AGTPBP1: variants seen among roughly 807,000 people sequenced by gnomAD.
The protein encoded by AGTPBP1 is cytosolic carboxypeptidase 1.
In AGTPBP1, 70 loss-of-function variants were observed where a neutral mutation model predicts 143.9. That is an observed-to-expected ratio of 0.49 (90% CI 0.40 to 0.59). AGTPBP1 has a LOEUF of 0.59. Ranked by LOEUF, AGTPBP1 falls within the 20% of genes least tolerant of loss-of-function variation. The pLI is 0.00. For synonymous variants in AGTPBP1, 463 were observed against 500.2 expected (o/e 0.93, Z 0.99); for missense variants, 1,229 against 1,464.5 (o/e 0.84, Z 2.62).
At chr9:85,746,516 C>G (rs1824585301), upstream of AGTPBP1, among the ~76,000 whole-genome samples, 1 of 152,102 alleles carries the variant, frequency 6.6e-6, no homozygotes, top group Admixed American at 6.5e-5. Context: ...GTAGTCCTAG[C>G]TACTTGGGAG....
chr9:85,593,065 T>C (rs1310399958), intron 18 of AGTPBP1, among the ~76,000 whole-genome samples: 3 of 152,162 alleles, frequency 2.0e-5, no homozygotes, highest in Non-Finnish European at 4.4e-5. Flanking sequence ...TTTACGTGGA[T>C]GGATCAGGCT....
intron 25 of AGTPBP1, among the ~76,000 whole-genome samples, chr9:85,564,614 A>G (rs1432326665): frequency 6.6e-6 from 1 of 152,252 alleles, no homozygotes; most frequent in Non-Finnish European, 1.5e-5. Flanking sequence ...ACAATTATAT[A>G]TAGTATTCCA....
intron 13 of AGTPBP1, among the ~76,000 whole-genome samples, chr9:85,639,323 C>T (rs770308951): frequency 6.3e-4 from 95 of 151,548 alleles, no homozygotes; most frequent in Non-Finnish European, 1.1e-3. Flanking sequence ...AATTTATAGC[C>T]TATCTATGCA....
chr9:85,719,384 C>A lies in AGTPBP1; in HGVS notation c.-33-6818G>T, dbSNP rs560501639. Among the ~76,000 whole-genome samples the A allele has an allele frequency of 1.7e-4, 26 of 152,268 alleles. No individual in the cohort carries two copies. In the South Asian group the frequency reaches 5.4e-3, roughly 32 times the overall value. On this transcript the variant is annotated intron_variant, in intron 1 of 25. Coordinates refer to ENST00000357081, the MANE Select transcript of AGTPBP1 (RefSeq NM_001330701.2). ...TTCTCCTTGAAGAGGTCCTTCACAA[C>A]CCTTGTATGTTGGATTCCTAGGTAT... is the stretch of plus-strand genomic sequence containing the variant.
chr9:85,626,259 A>C (rs1467934903), intron 14 of AGTPBP1, among the ~76,000 whole-genome samples: 1 of 152,198 alleles, frequency 6.6e-6, no homozygotes, highest in Non-Finnish European at 1.5e-5. Context: ...TTTTTAACCA[A>C]GTTTTATTCA....
chr9:85,559,923 T>C (rs1238711058), intron 25 of AGTPBP1, among the ~76,000 whole-genome samples: 1 of 152,194 alleles, frequency 6.6e-6, no homozygotes, highest in Non-Finnish European at 1.5e-5. Flanking sequence ...CAGTCCCCTT[T>C]CTTGAGTGTG....
chr9:85,585,485 A>G lies in AGTPBP1; in HGVS notation c.3143T>C (p.Val1048Ala). The change falls in exon 23 of 26, where the codon GTT (valine) becomes GCT (alanine). Residue 1048 changes from valine (V) to alanine (A), a missense_variant. Coordinates refer to ENST00000357081, the MANE Select transcript of AGTPBP1 (RefSeq NM_001330701.2). ...TACCCTGTATCCCGTATCCTCCACA[A>G]CATCACATGAAGTTGCATTATCATT... ...HTNDNATSCDVVEDTGYRTLP... is the reference protein window; with the variant it reads ...HTNDNATSCDAVEDTGYRTLP... The G allele has an allele frequency of 3.1e-6, 5 of 1,607,612 alleles. No homozygotes were observed. Among genetic ancestry groups the G allele is most frequent in the Non-Finnish European group, 4.2e-6 (5 of 1,177,402 alleles).
At chr9:85,782,829 G>C in the AGTPBP1 span, among the ~76,000 whole-genome samples, 4 of 152,146 alleles carry the variant, frequency 2.6e-5, no homozygotes, top group African/African-American at 9.7e-5. Context: ...GTAATACAGA[G>C]GTGTTTACTG....
Position 85,657,432 on chromosome 9 carries a change from C to T in AGTPBP1, c.909+3G>A. On this transcript the variant is annotated splice_donor_region_variant and intron_variant, in intron 10 of 25. Coordinates refer to ENST00000357081, the MANE Select transcript of AGTPBP1 (RefSeq NM_001330701.2). ...TCACAATAATAAGAAGAAAATAACTCACTTGCGAAGTATTATACAGAATTT... is the reference window on the plus strand; with the variant it reads ...TCACAATAATAAGAAGAAAATAACTTACTTGCGAAGTATTATACAGAATTT... 1 of 1,604,100 alleles carries T rather than the reference C, an allele frequency of 6.2e-7. No homozygotes were observed. Among genetic ancestry groups the T allele is most frequent in the Non-Finnish European group, 8.5e-7 (1 of 1,174,510 alleles).
the AGTPBP1 span, among the ~76,000 whole-genome samples, chr9:85,769,886 A>G: frequency 1.3e-5 from 2 of 152,348 alleles, no homozygotes; most frequent in East Asian, 3.9e-4. Context: ...TGGAGGAGAT[A>G]TATGACAATA....
intron 21 of AGTPBP1, among the ~76,000 whole-genome samples, chr9:85,587,555 C>T (rs1828693564): frequency 6.6e-6 from 1 of 151,896 alleles, no homozygotes; most frequent in Admixed American, 6.6e-5. Flanking sequence ...TAAAAATAGA[C>T]AACATTTTAG....
At chr9:85,737,635 A>C (rs1823890225) in intron 1 of AGTPBP1, among the ~76,000 whole-genome samples, 1 of 152,234 alleles carries the variant, frequency 6.6e-6, no homozygotes, top group South Asian at 2.1e-4. Context: ...GATCTGCATA[A>C]CACTGAACCA....
At chr9:85,721,111 G>A (rs1353818271) in intron 1 of AGTPBP1, among the ~76,000 whole-genome samples, 1 of 152,188 alleles carries the variant, frequency 6.6e-6, no homozygotes, top group African/African-American at 2.4e-5. Flanking sequence ...TAAAATAAGT[G>A]CAATGAGGTG....
intron 17 of AGTPBP1, among the ~76,000 whole-genome samples, chr9:85,607,748 T>C (rs756891950): frequency 6.6e-6 from 1 of 152,144 alleles, no homozygotes. Context: ...TAATCATTAA[T>C]GTACTATAAA....
chr9:85,800,348 T>C, the AGTPBP1 span, among the ~76,000 whole-genome samples: 1 of 152,164 alleles, frequency 6.6e-6, no homozygotes, highest in African/African-American at 2.4e-5. Flanking sequence ...GCAGCTGTAG[T>C]TTTAGAGCCT....
rs554864680 is a variant in AGTPBP1 at position 85,739,524 on chromosome 9, C to T, written c.-34+2251G>A. Among the ~76,000 whole-genome samples the T allele has an allele frequency of 1.4e-4, 22 of 151,810 alleles. No individual in the cohort carries two copies. The South Asian group carries it at 4.4e-3, about 30-fold the overall frequency. Reference sequence around the variant, plus strand: ...AGGAGTTCAAGACGAGCTTGGGTAACATGGTGAAACCCCGTCTCTACTAAA... The same window carrying T: ...AGGAGTTCAAGACGAGCTTGGGTAATATGGTGAAACCCCGTCTCTACTAAA... On this transcript the variant is annotated intron_variant, in intron 1 of 25. Transcript: ENST00000357081.
intron 12 of AGTPBP1, among the ~76,000 whole-genome samples, chr9:85,645,476 T>C (rs1832757326): frequency 6.6e-6 from 1 of 152,184 alleles, no homozygotes; most frequent in East Asian, 1.9e-4. Context: ...TCGCCAAAGC[T>C]TACCTTGGTG....
rs1459725857 is a variant in AGTPBP1 at position 85,672,637 on chromosome 9, T to C, written c.481A>G (p.Ile161Val). The C allele has an allele frequency of 1.2e-6, 2 of 1,612,896 alleles. No homozygotes were observed. The highest frequency in any genetic ancestry group is 1.7e-6 in the Non-Finnish European group (2 of 1,179,552). ...TTCTGCTTGACCAAATTCAGGGTTATATTCAGAGCCCCATTAATTCTAGCC... is the reference window on the plus strand; with the variant it reads ...TTCTGCTTGACCAAATTCAGGGTTACATTCAGAGCCCCATTAATTCTAGCC... Reference protein sequence around the residue: ...VKARINGALNITLNLVKQNLQ... With the variant: ...VKARINGALNVTLNLVKQNLQ... Residue 161 changes from isoleucine to valine, a missense_variant, in exon 7 of 26, where the codon ATA becomes GTA. Ile to Val is a conservative substitution (Grantham distance 29, BLOSUM62 3). This residue lies in a region of AGTPBP1 where 743 missense variants were observed against 812.2 expected (regional missense o/e 0.91). Coordinates refer to ENST00000357081, the MANE Select transcript of AGTPBP1 (RefSeq NM_001330701.2).
intron 1 of AGTPBP1, 24 bp downstream of exon 1, chr9:85,741,751 T>A: frequency 7.7e-7 from 1 of 1,304,552 alleles, no homozygotes; most frequent in Non-Finnish European, 9.7e-7. Flanking sequence ...GGCCGGGACA[T>A]GAGGACTGCA....
Sources: allele counts gnomAD v4.1 joint callset (sites outside exome capture counted in the v4.1 genomes callset), GRCh38; gene constraint gnomAD v4.1.1; regional missense constraint gnomAD v4.1.1; transcripts MANE v1.5; gene names NCBI Gene and HGNC (gene_info 2026-07-23, HGNC 2026-07-21).